The following SPATA13 variants were observed in gnomAD, a reference collection of about 807,000 sequenced individuals.
SPATA13 encodes spermatogenesis-associated protein 13.
In SPATA13, 50 loss-of-function variants were observed where a neutral mutation model predicts 104.0. The ratio of observed to expected loss-of-function variants is 0.48; its 90% confidence interval spans 0.38 to 0.61. The LOEUF (loss-of-function observed/expected upper bound fraction) is 0.61, where lower values mean the gene tolerates loss of function less well. Ranked by LOEUF, SPATA13 falls within the 20% of genes least tolerant of loss-of-function variation. The pLI, the probability that SPATA13 is intolerant of heterozygous loss-of-function variation, is 0.00. For synonymous variants in SPATA13, 606 were observed against 667.5 expected, an observed-to-expected ratio of 0.91 and a Z score of 1.42; for missense variants, 1,524 against 1,690.6, an observed-to-expected ratio of 0.90 and a Z score of 1.73.
chr13:24,298,185 C>G (rs1273442103), intron 11 of SPATA13, among the ~76,000 whole-genome samples: 1 of 152,124 alleles, frequency 6.6e-6, no homozygotes, highest in South Asian at 2.1e-4. Flanking sequence ...GAGATGGAAC[C>G]CCACTATGGT....
At chr13:24,251,303 G>A (rs921068118) in intron 3 of SPATA13, among the ~76,000 whole-genome samples, 1 of 152,212 alleles carries the variant, frequency 6.6e-6, no homozygotes, top group East Asian at 1.9e-4. Context: ...ATCACAGATG[G>A]CCACCCTGGC....
intron 4 of SPATA13, among the ~76,000 whole-genome samples, chr13:24,254,820 T>C (rs1468724134): frequency 7.6e-6 from 1 of 131,074 alleles, no homozygotes; most frequent in African/African-American, 2.8e-5. Flanking sequence ...GCTTGCTTCT[T>C]TTTTTTTTTC....
chr13:24,040,243 C>T (rs1305171178), intron 3 of SPATA13, among the ~76,000 whole-genome samples: 1 of 152,156 alleles, frequency 6.6e-6, no homozygotes, highest in Admixed American at 6.5e-5. Flanking sequence ...GAGATGACCT[C>T]CACTGAGTGC....
At chr13:24,260,784 C>T (rs1425997690) in intron 4 of SPATA13, among the ~76,000 whole-genome samples, 1 of 152,218 alleles carries the variant, frequency 6.6e-6, no homozygotes, top group Non-Finnish European at 1.5e-5. Context: ...AACTGGAAAT[C>T]ATAGCGGATG....
intron 4 of SPATA13, among the ~76,000 whole-genome samples, chr13:24,258,394 C>T (rs984005878): frequency 3.4e-5 from 5 of 145,978 alleles, no homozygotes; most frequent in Non-Finnish European, 6.0e-5. Flanking sequence ...AGGCCAGGCA[C>T]GGTGGCTCAT....
chr13:24,164,162 T>G (rs1043811334), intron 1 of SPATA13, among the ~76,000 whole-genome samples: 1 of 152,216 alleles, frequency 6.6e-6, no homozygotes, highest in Non-Finnish European at 1.5e-5. Context: ...TATTTTACAT[T>G]TGTGGAGAGA....
At chr13:24,057,293 G>A (rs988069018) in intron 3 of SPATA13, among the ~76,000 whole-genome samples, 9 of 146,836 alleles carry the variant, frequency 6.1e-5, no homozygotes, top group Non-Finnish European at 1.0e-4. Flanking sequence ...TCTTAATCTC[G>A]GCCACTTCTC....
At chr13:23,991,628 T>A (rs562759139) in intron 2 of SPATA13, among the ~76,000 whole-genome samples, 286 of 152,324 alleles carry the variant, frequency 1.9e-3, no homozygotes, top group Middle Eastern at 3.4e-3. Context: ...AAGACTCATG[T>A]TCATAGCAAG....
intron 3 of SPATA13, among the ~76,000 whole-genome samples, chr13:24,146,126 G>C (rs916952499): frequency 6.6e-6 from 1 of 152,232 alleles, no homozygotes; most frequent in African/African-American, 2.4e-5. Context: ...TGATACACAG[G>C]AGAAATGGTA....
chr13:24,150,085 G>A lies in SPATA13; in HGVS notation c.-111-72734G>A, dbSNP rs1220167401. Among the ~76,000 whole-genome samples, 8 of 152,062 alleles carry A rather than the reference G, an allele frequency of 5.3e-5. No individual in the cohort carries two copies. The South Asian group carries it at 6.2e-4, about 12-fold the overall frequency. On this transcript the variant is annotated intron_variant, in intron 3 of 14. Coordinates refer to the SPATA13 transcript ENST00000424834. The stretch of plus-strand genomic sequence containing the variant: ...GCCAGGTGTGCAGCCTGGAGGAGAC[G>A]GAGCTGGGCAATGCTGAGATTCTTA...
At position 24,012,708 on chromosome 13, in the gene SPATA13, A is replaced by T. The variant is rs141408650; in HGVS notation, c.-146-4959A>T. Reference sequence around the variant, plus strand: ...GGGTGCAGGCTGCAAGCCTGTGATTACAGCACCTGCCTTGCTGGGAATGGC... The same window carrying T: ...GGGTGCAGGCTGCAAGCCTGTGATTTCAGCACCTGCCTTGCTGGGAATGGC... On this transcript the variant is annotated intron_variant, in intron 2 of 14. Transcript: ENST00000424834. Among the ~76,000 whole-genome samples the T allele has an allele frequency of 1.1e-3, 162 of 152,370 alleles. 2 individuals are homozygous for T. In the East Asian group the frequency reaches 0.028, roughly 27 times the overall value.
At chr13:24,103,434 G>A (rs1414769648) in intron 3 of SPATA13, among the ~76,000 whole-genome samples, 1 of 133,492 alleles carries the variant, frequency 7.5e-6, no homozygotes, top group Non-Finnish European at 1.5e-5. Context: ...ACACTGAGCT[G>A]TGATTACACC....
At chr13:24,228,108 C>CTTTTTTTTT (rs71186818) in intron 2 of SPATA13, among the ~76,000 whole-genome samples, 9 of 102,284 alleles carry the variant, frequency 8.8e-5, no homozygotes, top group African/African-American at 4.2e-4. Flanking sequence ...CTCTTGTACT[C>CTTTTTTTTT]TTTTTTTTTT....
intron 1 of SPATA13, among the ~76,000 whole-genome samples, chr13:24,217,733 A>G (rs1021432170): frequency 6.6e-6 from 1 of 152,166 alleles, no homozygotes; most frequent in African/African-American, 2.4e-5. Context: ...GGTAAACAAG[A>G]GGGCGTGTTG....
chr13:24,224,806 G>A, intron 2 of SPATA13: 1 of 626,910 alleles, frequency 1.6e-6, no homozygotes. Flanking sequence ...GAGATTCATT[G>A]AGATGACATT....
At chr13:24,178,538 A>C (rs1012806794) in intron 1 of SPATA13, among the ~76,000 whole-genome samples, 2 of 152,214 alleles carry the variant, frequency 1.3e-5, no homozygotes, top group Non-Finnish European at 1.5e-5. Context: ...GTACCCTAAT[A>C]AATGAGCTTA....
intron 2 of SPATA13, among the ~76,000 whole-genome samples, chr13:24,246,888 G>A (rs1873172191): frequency 6.6e-6 from 1 of 152,094 alleles, no homozygotes; most frequent in African/African-American, 2.4e-5. Context: ...TCAAGGAGGT[G>A]GTTAGAATTT....
At chr13:24,253,352 C>G (rs1347667795) in intron 4 of SPATA13, among the ~76,000 whole-genome samples, 3 of 152,164 alleles carry the variant, frequency 2.0e-5, no homozygotes, top group Non-Finnish European at 4.4e-5. Context: ...CCCTCTCTCT[C>G]TTCCCTAGAA....
At chr13:24,037,209 G>T (rs559355244) in intron 3 of SPATA13, among the ~76,000 whole-genome samples, 1 of 117,706 alleles carries the variant, frequency 8.5e-6, no homozygotes, top group African/African-American at 3.2e-5. Flanking sequence ...GTCATAGGGT[G>T]GGGGGAGGGG....
Sources: allele counts gnomAD v4.1 joint callset (sites outside exome capture counted in the v4.1 genomes callset), GRCh38; gene constraint gnomAD v4.1.1; transcripts MANE v1.5; gene names NCBI Gene and HGNC (gene_info 2026-07-23, HGNC 2026-07-21).